The following RARB variants were observed in gnomAD, a reference collection of about 807,000 sequenced individuals.
RARB encodes retinoic acid receptor beta, also known as HBV-activated protein.
RARB carries 17 observed loss-of-function variants against 51.9 expected under a neutral mutation model. The ratio of observed to expected loss-of-function variants is 0.33; its 90% confidence interval spans 0.22 to 0.49. The LOEUF (loss-of-function observed/expected upper bound fraction) is 0.49, where lower values mean the gene tolerates loss of function less well. Among genes scored for constraint, RARB ranks in the 20% least tolerant of loss-of-function variants. The probability of loss-of-function intolerance (pLI) is 0.99; values close to 1 mark genes in which losing one functional copy is unlikely to be tolerated. For synonymous variants in RARB, 215 were observed against 195.4 expected (o/e 1.10, Z -0.84); for missense variants, 369 against 550.8 (o/e 0.67, Z 3.30).
intron 5 of RARB, among the ~76,000 whole-genome samples, chr3:25,388,395 T>A (rs1431782614): frequency 6.6e-6 from 1 of 152,234 alleles, no homozygotes; most frequent in African/African-American, 2.4e-5. Flanking sequence ...ATGATATGAT[T>A]GTAAATTTAT....
At chr3:25,094,045 G>C (rs182745203) in intron 3 of RARB, among the ~76,000 whole-genome samples, 1 of 152,180 alleles carries the variant, frequency 6.6e-6, no homozygotes, top group African/African-American at 2.4e-5. Context: ...AAACTAGCTT[G>C]TAAGTGGGTA....
intron 4 of RARB, among the ~76,000 whole-genome samples, chr3:25,159,418 C>A (rs1700439230): frequency 6.6e-6 from 1 of 151,168 alleles, no homozygotes; most frequent in African/African-American, 2.4e-5. Context: ...ATCCACCCCC[C>A]CCGCTCCCCC....
chr3:25,089,265 C>T (rs1699156918), intron 3 of RARB, among the ~76,000 whole-genome samples: 1 of 150,586 alleles, frequency 6.6e-6, no homozygotes, highest in Non-Finnish European at 1.5e-5. Flanking sequence ...CAGTAGCATG[C>T]ACAGAAAAAA....
Position 25,273,878 on chromosome 3 carries a change from G to A in RARB, c.178+99303G>A, listed in dbSNP as rs753352961. Among the ~76,000 whole-genome samples the A allele has an allele frequency of 4.2e-4, 64 of 152,152 alleles. 1 individual carries two copies. Among genetic ancestry groups the A allele is most frequent in the Non-Finnish European group, 1.3e-4 (9 of 68,008 alleles). On this transcript the variant is annotated intron_variant, in intron 5 of 11. Coordinates refer to the RARB transcript ENST00000383772. ...CAACATCCTTTTCAGGCACCTCCAG[G>A]TTATGGGTGCAGGCCCCAACTTGGT...
intron 3 of RARB, among the ~76,000 whole-genome samples, chr3:25,511,773 C>A (rs1697907442): frequency 6.6e-6 from 1 of 152,156 alleles, no homozygotes; most frequent in African/African-American, 2.4e-5. Flanking sequence ...TGCCGCTAAC[C>A]CTTCCTCACA....
intron 2 of RARB, among the ~76,000 whole-genome samples, chr3:25,024,721 A>G (rs1697706227): frequency 6.6e-6 from 1 of 152,020 alleles, no homozygotes; most frequent in African/African-American, 2.4e-5. Flanking sequence ...GGAGGCCAAG[A>G]CGGGCCAGAT....
chr3:25,317,070 A>G (rs1400045627), intron 5 of RARB, among the ~76,000 whole-genome samples: 1 of 151,024 alleles, frequency 6.6e-6, no homozygotes, highest in African/African-American at 2.4e-5. Flanking sequence ...TAAGTATTTG[A>G]TTATTATAAG....
chr3:25,204,650 A>T (rs1701486951), intron 5 of RARB, among the ~76,000 whole-genome samples: 1 of 152,012 alleles, frequency 6.6e-6, no homozygotes, highest in Non-Finnish European at 1.5e-5. Context: ...AACAGTCAGG[A>T]CCCTCAGCTG....
chr3:25,311,381 T>G (rs1030824), intron 5 of RARB, among the ~76,000 whole-genome samples: 2,077 of 152,360 alleles, frequency 0.014, 57 homozygotes, highest in African/African-American at 0.047. Context: ...GCACTAGCCA[T>G]CCATACTGTT....
At position 25,428,721 on chromosome 3, in the gene RARB, C is replaced by G; in HGVS notation, c.-11C>G. 6.2e-7 allele frequency: 1 copy of G among 1,612,580 alleles called. No homozygotes were observed. On this transcript the variant is annotated 5_prime_UTR_variant, in exon 1 of 8. Transcript: ENST00000330688. ...TAAGCACTTTTGCAGACATTCAGTG[C>G]AAGGGAGATCATGTTTGACTGTATG... is the stretch of plus-strand genomic sequence containing the variant.
chr3:25,571,671 G>A (rs572798366), intron 4 of RARB, among the ~76,000 whole-genome samples: 6 of 152,338 alleles, frequency 3.9e-5, no homozygotes, highest in South Asian at 2.1e-4. Context: ...GGAACCACAC[G>A]AATGTACTTC....
intron 3 of RARB, among the ~76,000 whole-genome samples, chr3:25,545,667 G>C (rs1699589730): frequency 6.6e-6 from 1 of 152,146 alleles, no homozygotes; most frequent in African/African-American, 2.4e-5. Context: ...CTGTCCTGCA[G>C]CTCCTCCCTG....
intron 2 of RARB, among the ~76,000 whole-genome samples, chr3:25,026,140 T>G (rs1244534990): frequency 1.3e-5 from 2 of 152,136 alleles, no homozygotes; most frequent in East Asian, 3.9e-4. Flanking sequence ...CTTAGATACC[T>G]GCACTTTTGC....
intron 5 of RARB, among the ~76,000 whole-genome samples, chr3:25,195,542 T>C (rs1160196699): frequency 2.6e-5 from 4 of 152,054 alleles, no homozygotes; most frequent in African/African-American, 7.2e-5. Flanking sequence ...TCTTATTCCT[T>C]TAACTACTTT....
intron 5 of RARB, among the ~76,000 whole-genome samples, chr3:25,210,803 G>A (rs1043285440): frequency 2.0e-5 from 3 of 151,886 alleles, no homozygotes; most frequent in African/African-American, 7.2e-5. Flanking sequence ...CCAAAGTGCT[G>A]GGATTACAGG....
intron 3 of RARB, among the ~76,000 whole-genome samples, chr3:25,529,419 G>A (rs926170507): frequency 1.3e-4 from 19 of 151,448 alleles, no homozygotes; most frequent in African/African-American, 4.4e-4. Context: ...CTAACATAGG[G>A]TCAGCAACAG....
chr3:24,935,507 A>C (rs1695530862), intron 2 of RARB, among the ~76,000 whole-genome samples: 1 of 152,106 alleles, frequency 6.6e-6, no homozygotes, highest in African/African-American at 2.4e-5. Flanking sequence ...GTCTGTTATG[A>C]TTTCACAGCA....
intron 5 of RARB, among the ~76,000 whole-genome samples, chr3:25,348,689 A>G (rs1705470979): frequency 6.6e-6 from 1 of 152,236 alleles, no homozygotes; most frequent in Non-Finnish European, 1.5e-5. Flanking sequence ...ATGTTAGTAA[A>G]TTTAAATGTC....
intron 4 of RARB, among the ~76,000 whole-genome samples, chr3:25,154,193 G>T (rs17517792): frequency 1.3e-5 from 2 of 151,962 alleles, no homozygotes; most frequent in South Asian, 2.1e-4. Context: ...CACATCAACC[G>T]GTGCTAATGG....
Sources: allele counts gnomAD v4.1 joint callset (sites outside exome capture counted in the v4.1 genomes callset), GRCh38; gene constraint gnomAD v4.1.1; transcripts MANE v1.5; gene names NCBI Gene and HGNC (gene_info 2026-07-23, HGNC 2026-07-21).